UBE3D: variants seen among roughly 807,000 people sequenced by gnomAD.
UBE3D encodes the protein E3 ubiquitin-protein ligase E3D.
A neutral mutation model predicts 49.6 loss-of-function variants in UBE3D; 48 were observed. The ratio of observed to expected loss-of-function variants is 0.97; its 90% CI spans 0.77 to 1.23. UBE3D has a LOEUF of 1.23. Ranked by LOEUF, UBE3D falls within the 50% of genes most tolerant of loss-of-function variation. The pLI, the probability that UBE3D is intolerant of heterozygous loss-of-function variation, is 0.00. For synonymous variants in UBE3D, 189 were observed against 174.2 expected, an observed-to-expected ratio of 1.08 and a Z score of -0.67; for missense variants, 452 against 468.4, an observed-to-expected ratio of 0.96 and a Z score of 0.32.
chr6:82,976,734 T>C (rs16879715), intron 8 of UBE3D, among the ~76,000 whole-genome samples: 5,109 of 152,288 alleles, frequency 0.034, 138 homozygotes, highest in East Asian at 0.094. Context: ...CCACTTCTTC[T>C]GAAACAGGCA....
intron 9 of UBE3D, among the ~76,000 whole-genome samples, chr6:82,895,272 C>T (rs1366912493): frequency 2.0e-5 from 3 of 152,160 alleles, no homozygotes; most frequent in Non-Finnish European, 4.4e-5. Context: ...GATCACGCTA[C>T]TGCACTCCAG....
intron 8 of UBE3D, among the ~76,000 whole-genome samples, chr6:82,960,530 T>A: frequency 6.6e-6 from 1 of 151,756 alleles, no homozygotes; most frequent in East Asian, 2.0e-4. Flanking sequence ...ATTGTCCTGT[T>A]TCCTTTATAA....
chr6:83,065,836 G>T lies in UBE3D; in HGVS notation c.-118C>A. ...GCGGCAGCCCCGCTGCGGCGCAGGC[G>T]CCTGTGCCAGATCGCAGGGCTGGCG... On this transcript the variant is annotated 5_prime_UTR_variant, in exon 1 of 10. Transcript: ENST00000369747. 9.4e-7 allele frequency: 1 copy of T among 1,065,086 alleles called. No individual in the cohort carries two copies. Among genetic ancestry groups the T allele is most frequent in the Non-Finnish European group, 1.4e-6 (1 of 736,358 alleles). The allele number at this position is 1,065,086 out of a possible 1,614,324, so 66.0% of individuals were successfully genotyped here.
intron 7 of UBE3D, among the ~76,000 whole-genome samples, chr6:83,020,476 A>G (rs1781018112): frequency 6.6e-6 from 1 of 152,166 alleles, no homozygotes; most frequent in African/African-American, 2.4e-5. Flanking sequence ...AGTATGATAT[A>G]GCAAGGCAGG....
chr6:83,004,055 C>T lies in UBE3D; in HGVS notation c.1010+14918G>A, dbSNP rs111857882. Among the ~76,000 whole-genome samples the T allele has an allele frequency of 9.9e-3, 1,508 of 152,236 alleles. 25 individuals are homozygous for T. Among genetic ancestry groups the T allele is most frequent in the African/African-American group, 0.034 (1,430 of 41,544 alleles). ...TTCAATGGATTCTTGTTCTAAGGAGCTAAGGCATTGGACTTCTAAAGAAAA... is the reference window on the plus strand; with the variant it reads ...TTCAATGGATTCTTGTTCTAAGGAGTTAAGGCATTGGACTTCTAAAGAAAA... On this transcript the variant is annotated intron_variant, in intron 8 of 9. Transcript: ENST00000369747.
chr6:83,000,311 G>A (rs899079593), intron 8 of UBE3D, among the ~76,000 whole-genome samples: 6 of 152,104 alleles, frequency 3.9e-5, no homozygotes, highest in Admixed American at 3.9e-4. Context: ...AACTCAACAT[G>A]TATAAAAGTG....
rs140178110 is a variant in UBE3D at position 82,953,217 on chromosome 6, C to T, written c.1149+4095G>A. 1.2e-4 allele frequency among the ~76,000 whole-genome samples: 19 copies of T among 152,342 alleles called. 1 individual carries two copies. The highest frequency in any genetic ancestry group is 1.9e-4 in the East Asian group (1 of 5,186). ...ACCTCTGCACCTCTAATGCCTACTG[C>T]GTTGGTTTCTGGCACAAAAGTTGGG... On this transcript the variant is annotated intron_variant, in intron 9 of 9. Coordinates refer to ENST00000369747, the MANE Select transcript of UBE3D (RefSeq NM_198920.3).
intron 5 of UBE3D, among the ~76,000 whole-genome samples, chr6:83,034,154 A>G (rs1782074801): frequency 6.6e-6 from 1 of 152,196 alleles, no homozygotes; most frequent in Non-Finnish European, 1.5e-5. Context: ...CATTCTCTTC[A>G]TGACACTATT....
chr6:82,977,113 CAAAAAAAA>C (rs58424434), intron 8 of UBE3D, among the ~76,000 whole-genome samples: 7 of 42,572 alleles, frequency 1.6e-4, no homozygotes, highest in South Asian at 1.6e-3. Context: ...GACTCCATCT[CAAAAAAAA>C]AAAAAAAAAA....
At chr6:82,908,168 A>G (rs1772239060) in intron 9 of UBE3D, among the ~76,000 whole-genome samples, 2 of 152,180 alleles carry the variant, frequency 1.3e-5, no homozygotes, top group South Asian at 4.1e-4. Flanking sequence ...AAATAGAGAC[A>G]ATGGTTTTCA....
chr6:83,046,669 T>TGGCGG (rs1783058888), intron 3 of UBE3D, among the ~76,000 whole-genome samples: 2 of 9,376 alleles, frequency 2.1e-4, no homozygotes, highest in African/African-American at 4.5e-4. Context: ...TTCTTGCAGT[T>TGGCGG]GGCGGGGGGG....
chr6:82,999,451 C>T (rs886118011), intron 8 of UBE3D, among the ~76,000 whole-genome samples: 1 of 152,170 alleles, frequency 6.6e-6, no homozygotes. Flanking sequence ...GTGGCGCGAT[C>T]TAGGCTCATG....
intron 1 of UBE3D, among the ~76,000 whole-genome samples, chr6:83,060,557 C>T (rs1784109829): frequency 6.6e-6 from 1 of 152,106 alleles, no homozygotes; most frequent in Non-Finnish European, 1.5e-5. Flanking sequence ...CTGGGAGAAG[C>T]GACATCCAAC....
chr6:83,033,016 A>G (rs1263625952), intron 5 of UBE3D, among the ~76,000 whole-genome samples: 1 of 152,104 alleles, frequency 6.6e-6, no homozygotes, highest in Non-Finnish European at 1.5e-5. Flanking sequence ...ACAGACTAAT[A>G]CAGTTTCATT....
chr6:82,943,892 G>A (rs768675243), intron 9 of UBE3D, among the ~76,000 whole-genome samples: 1 of 152,082 alleles, frequency 6.6e-6, no homozygotes, highest in African/African-American at 2.4e-5. Context: ...AAACCAAGTG[G>A]AACTCAGCCG....
At chr6:82,974,441 A>C (rs1777573495) in intron 8 of UBE3D, among the ~76,000 whole-genome samples, 1 of 152,208 alleles carries the variant, frequency 6.6e-6, no homozygotes, top group South Asian at 2.1e-4. Context: ...TAACCTGCAC[A>C]TATCCTCCCA....
chr6:82,943,555 G>C (rs1472537201), intron 9 of UBE3D, among the ~76,000 whole-genome samples: 1 of 152,118 alleles, frequency 6.6e-6, no homozygotes, highest in Non-Finnish European at 1.5e-5. Flanking sequence ...AGGACTGCTT[G>C]GGCCCAGAAG....
At chr6:82,924,129 G>A (rs1171529975) in intron 9 of UBE3D, among the ~76,000 whole-genome samples, 1 of 151,440 alleles carries the variant, frequency 6.6e-6, no homozygotes, top group Non-Finnish European at 1.5e-5. Flanking sequence ...GTACTTGGAA[G>A]TCCACAAATG....
rs191336915 is a variant in UBE3D at position 82,898,834 on chromosome 6, A to T, written c.1150-5792T>A. ...CAGAACTTAAAGTATAATAAAAAAA[A>T]TTTTTTTTAAAGATATTTCTCTCTC... On this transcript the variant is annotated intron_variant, in intron 9 of 9. Transcript: ENST00000369747. Among the ~76,000 whole-genome samples, 898 of 152,146 alleles carry T rather than the reference A, an allele frequency of 5.9e-3. 7 individuals carry two copies. Among genetic ancestry groups the T allele is most frequent in the African/African-American group, 0.017 (724 of 41,500 alleles).
Sources: allele counts gnomAD v4.1 joint callset (sites outside exome capture counted in the v4.1 genomes callset), GRCh38; gene constraint gnomAD v4.1.1; transcripts MANE v1.5; gene names NCBI Gene and HGNC (gene_info 2026-07-23, HGNC 2026-07-21).